Variants in TMEM38B observed in about 807,000 individuals in gnomAD.
TMEM38B encodes the protein trimeric intracellular cation channel type B.
A neutral mutation model predicts 28.7 loss-of-function variants in TMEM38B; 24 were observed. The observed-to-expected ratio is 0.84, with a 90% confidence interval of 0.61 to 1.18. The LOEUF is 1.18. Among genes scored for constraint, TMEM38B ranks in the 50% most tolerant of loss-of-function variants. The pLI is 0.00. For synonymous variants in TMEM38B, 131 were observed against 127.7 expected, an observed-to-expected ratio of 1.03 and a Z score of -0.17; for missense variants, 380 against 350.9, an observed-to-expected ratio of 1.08 and a Z score of -0.66.
At chr9:105,695,040 G>A (rs1340861968) in intron 1 of TMEM38B, among the ~76,000 whole-genome samples, 2 of 152,208 alleles carry the variant, frequency 1.3e-5, no homozygotes, top group Non-Finnish European at 2.9e-5. Flanking sequence ...GGGCGAGCAG[G>A]GCCGACCTTG....
At chr9:105,763,327 C>CT (rs1838135463) in intron 5 of TMEM38B, among the ~76,000 whole-genome samples, 1 of 152,114 alleles carries the variant, frequency 6.6e-6, no homozygotes, top group Admixed American at 6.6e-5. Flanking sequence ...ACATGAAGTC[C>CT]TTGCCCATGC....
At chr9:105,750,036 C>T (rs555399054) in intron 5 of TMEM38B, among the ~76,000 whole-genome samples, 2 of 152,278 alleles carry the variant, frequency 1.3e-5, no homozygotes, top group South Asian at 4.1e-4. Flanking sequence ...ATATTATTGT[C>T]TTTTTTATTA....
intron 5 of TMEM38B, among the ~76,000 whole-genome samples, chr9:105,756,898 A>AT (rs535233141): frequency 2.2e-3 from 339 of 152,146 alleles, no homozygotes; most frequent in South Asian, 5.8e-3. Flanking sequence ...AATCATAATG[A>AT]TTTTTTTATC....
At chr9:105,735,271 T>A (rs922761114) in intron 4 of TMEM38B, among the ~76,000 whole-genome samples, 1 of 152,176 alleles carries the variant, frequency 6.6e-6, no homozygotes, top group Non-Finnish European at 1.5e-5. Context: ...ATAGATGTTG[T>A]TTTTGACCAT....
chr9:105,701,771 A>C (rs180743444), intron 1 of TMEM38B: 3 of 152,352 alleles, frequency 2.0e-5, no homozygotes, highest in Non-Finnish European at 2.9e-5. Context: ...TATGTGATCC[A>C]TTATACCATA....
At chr9:105,749,829 T>G (rs1470047965) in intron 5 of TMEM38B, among the ~76,000 whole-genome samples, 1 of 152,232 alleles carries the variant, frequency 6.6e-6, no homozygotes, top group Non-Finnish European at 1.5e-5. Flanking sequence ...CTGTGAACAT[T>G]CATGTAAAAA....
Position 105,763,538 on chromosome 9 carries a change from G to A in TMEM38B, c.661-10327G>A, listed in dbSNP as rs922297809. Among the ~76,000 whole-genome samples the A allele has an allele frequency of 1.7e-3, 257 of 152,312 alleles. 1 individual carries two copies. The highest frequency in any genetic ancestry group is 2.4e-3 in the Non-Finnish European group (160 of 68,030). On this transcript the variant is annotated intron_variant, in intron 5 of 5. Coordinates refer to ENST00000374692, the MANE Select transcript of TMEM38B (RefSeq NM_018112.3). ...TCTCCCAAGACTAAACCAGGAAGAAGTTGAATCTCTGAATAGACAATAACA... is the reference window on the plus strand; with the variant it reads ...TCTCCCAAGACTAAACCAGGAAGAAATTGAATCTCTGAATAGACAATAACA...
intron 4 of TMEM38B, among the ~76,000 whole-genome samples, chr9:105,743,805 T>C (rs1837292417): frequency 6.6e-6 from 1 of 152,178 alleles, no homozygotes; most frequent in African/African-American, 2.4e-5. Flanking sequence ...CATTCCACCC[T>C]GTGAGCTTTT....
At chr9:105,712,068 C>T (rs1215717877) in intron 2 of TMEM38B, among the ~76,000 whole-genome samples, 1 of 152,108 alleles carries the variant, frequency 6.6e-6, no homozygotes, top group African/African-American at 2.4e-5. Flanking sequence ...GTGCATGAAA[C>T]TATGCCCAGC....
At position 105,740,181 on chromosome 9, in the gene TMEM38B, C is replaced by A. The variant is rs113441955; in HGVS notation, c.543-7892C>A. Among the ~76,000 whole-genome samples the A allele has an allele frequency of 3.4e-3, 518 of 152,100 alleles. 5 individuals carry two copies. The highest frequency in any genetic ancestry group is 0.012 in the African/African-American group (478 of 41,508). On this transcript the variant is annotated intron_variant, in intron 4 of 5. Coordinates refer to ENST00000374692, the MANE Select transcript of TMEM38B (RefSeq NM_018112.3). ...TACAGGTGTGAGCCACCACTCCTGGCCTTAAACTTTTTTCAGTAATGTTTT... is the reference window on the plus strand; with the variant it reads ...TACAGGTGTGAGCCACCACTCCTGGACTTAAACTTTTTTCAGTAATGTTTT...
At chr9:105,737,511 G>T (rs909112516) in intron 4 of TMEM38B, among the ~76,000 whole-genome samples, 3 of 152,188 alleles carry the variant, frequency 2.0e-5, no homozygotes, top group Non-Finnish European at 4.4e-5. Flanking sequence ...GCACAGCTGT[G>T]TCTTGGGCCC....
chr9:105,722,124 A>G (rs1588416054), intron 3 of TMEM38B, among the ~76,000 whole-genome samples: 1 of 152,160 alleles, frequency 6.6e-6, no homozygotes, highest in East Asian at 1.9e-4. Context: ...AATATGATTG[A>G]CTATGGGTTC....
chr9:105,764,154 C>A (rs1212940760), intron 5 of TMEM38B, among the ~76,000 whole-genome samples: 2 of 150,456 alleles, frequency 1.3e-5, no homozygotes, highest in Non-Finnish European at 3.0e-5. Flanking sequence ...TGGAAGCATT[C>A]CCTTTGAAAA....
chr9:105,730,782 G>A (rs1434577183), intron 4 of TMEM38B, among the ~76,000 whole-genome samples: 1 of 152,042 alleles, frequency 6.6e-6, no homozygotes, highest in Non-Finnish European at 1.5e-5. Context: ...CTTCTTCCTG[G>A]TTTAGTCTTG....
intron 5 of TMEM38B, among the ~76,000 whole-genome samples, chr9:105,764,290 T>C (rs917352610): frequency 9.2e-5 from 14 of 152,158 alleles, no homozygotes; most frequent in Non-Finnish European, 1.8e-4. Flanking sequence ...GGAAGTCAAA[T>C]TGTCCCTGTT....
intron 2 of TMEM38B, among the ~76,000 whole-genome samples, chr9:105,719,761 T>C (rs1416604007): frequency 6.6e-6 from 1 of 152,176 alleles, no homozygotes; most frequent in Non-Finnish European, 1.5e-5. Flanking sequence ...GGTTTTTAAC[T>C]CACGTTAAAG....
chr9:105,704,388 C>T (rs930594987), intron 1 of TMEM38B, among the ~76,000 whole-genome samples: 1 of 152,000 alleles, frequency 6.6e-6, no homozygotes, highest in East Asian at 1.9e-4. Flanking sequence ...CAGAGCGAGA[C>T]CCTGTCTCAA....
In TMEM38B at chr9:105,775,982, G is replaced by C. The variant is rs1346969833; in HGVS notation, c.*1902G>C. 6.6e-6 allele frequency: 1 copy of C among 152,078 alleles called. No individual in the cohort carries two copies. Among genetic ancestry groups the C allele is most frequent in the Admixed American group, 6.6e-5 (1 of 15,258 alleles). 9.4% of individuals were successfully genotyped at this position (152,078 alleles called of 1,614,324 possible). On this transcript the variant is annotated 3_prime_UTR_variant, in exon 6 of 6. Transcript: ENST00000374692. ...AAGTATCCTATAACCCTCAATTCAA[G>C]GCTCTTTTGTAAAAAATGTACTGGA... is the stretch of plus-strand genomic sequence containing the variant.
At position 105,774,109 on chromosome 9, in the gene TMEM38B, A is replaced by C; in HGVS notation, c.*29A>C. 6.3e-7 allele frequency: 1 copy of C among 1,599,446 alleles called. No individual in the cohort carries two copies. Among genetic ancestry groups the C allele is most frequent in the Middle Eastern group, 1.7e-4 (1 of 5,964 alleles). On this transcript the variant is annotated 3_prime_UTR_variant, in exon 6 of 6. Coordinates refer to ENST00000374692, the MANE Select transcript of TMEM38B (RefSeq NM_018112.3). The stretch of plus-strand genomic sequence containing the variant: ...TACGTGATGAGCTCTACAAGGCCAA[A>C]AATTTTTTTTCTTATCTACCTGTTA...
Sources: allele counts gnomAD v4.1 joint callset (sites outside exome capture counted in the v4.1 genomes callset), GRCh38; gene constraint gnomAD v4.1.1; transcripts MANE v1.5; gene names NCBI Gene and HGNC (gene_info 2026-07-23, HGNC 2026-07-21).